The following HSD17B12 variants were observed in gnomAD, a reference collection of about 807,000 sequenced individuals.
The protein encoded by HSD17B12 is hydroxysteroid 17-beta dehydrogenase 12.
Under a neutral mutation model 39.3 loss-of-function variants are expected in HSD17B12, and 32 were observed. The observed-to-expected ratio is 0.81, with a 90% confidence interval of 0.61 to 1.09. The LOEUF is 1.09. Among genes scored for constraint, HSD17B12 ranks in the 50% least tolerant of loss-of-function variants. HSD17B12 has a pLI of 0.00. For missense variants in HSD17B12, 342 were observed against 382.9 expected, an observed-to-expected ratio of 0.89 and a Z score of 0.89; for synonymous variants, 150 against 146.7, an observed-to-expected ratio of 1.02 and a Z score of -0.16.
At chr11:43,841,996 A>C (rs1236678837) in intron 9 of HSD17B12, among the ~76,000 whole-genome samples, 2 of 152,164 alleles carry the variant, frequency 1.3e-5, no homozygotes, top group Non-Finnish European at 2.9e-5. Flanking sequence ...TTAATTGCAG[A>C]AATTGGGGCT....
intron 3 of HSD17B12, among the ~76,000 whole-genome samples, chr11:43,790,818 C>T (rs1309673208): frequency 6.6e-6 from 1 of 151,700 alleles, no homozygotes; most frequent in African/African-American, 2.4e-5. Flanking sequence ...ATGGTGAAAC[C>T]CCATCTCTAA....
At chr11:43,672,611 G>T in the HSD17B12 span, among the ~76,000 whole-genome samples, 2 of 152,000 alleles carry the variant, frequency 1.3e-5, no homozygotes, top group Non-Finnish European at 2.9e-5. Context: ...GCAGTGGTGC[G>T]ATCTTGGCTC....
chr11:43,850,222 T>C (rs1951517269), intron 9 of HSD17B12, among the ~76,000 whole-genome samples: 1 of 152,210 alleles, frequency 6.6e-6, no homozygotes, highest in African/African-American at 2.4e-5. Context: ...AAAGCTAATT[T>C]CGTGGTCTGC....
At chr11:43,624,603 ACAAT>A in the HSD17B12 span, among the ~76,000 whole-genome samples, 1 of 151,904 alleles carries the variant, frequency 6.6e-6, no homozygotes, top group Non-Finnish European at 1.5e-5. Context: ...TATTAAAATA[ACAAT>A]CAAGCTATGA....
At chr11:43,757,716 C>CA (rs141525576) in intron 3 of HSD17B12, among the ~76,000 whole-genome samples, 18,272 of 129,740 alleles carry the variant, frequency 0.14, 1,670 homozygotes, top group African/African-American at 0.27. Context: ...AAAGCACACA[C>CA]AAAAAAAACA....
the HSD17B12 span, among the ~76,000 whole-genome samples, chr11:43,591,677 T>G: frequency 6.6e-6 from 1 of 152,106 alleles, no homozygotes; most frequent in Non-Finnish European, 1.5e-5. Flanking sequence ...CTTTGTGAAC[T>G]ACCTCTCAGC....
At chr11:43,663,924 G>A in the HSD17B12 span, among the ~76,000 whole-genome samples, 2 of 151,594 alleles carry the variant, frequency 1.3e-5, no homozygotes. Context: ...GTGCAGTGGC[G>A]TGATCTCAGC....
intron 6 of HSD17B12, among the ~76,000 whole-genome samples, chr11:43,817,429 T>C (rs1590325271): frequency 6.6e-6 from 1 of 152,186 alleles, no homozygotes; most frequent in African/African-American, 2.4e-5. Context: ...CCTAAGCCAA[T>C]GTTTAGAAGG....
chr11:43,765,987 G>A (rs569890770), intron 3 of HSD17B12, among the ~76,000 whole-genome samples: 26 of 152,080 alleles, frequency 1.7e-4, no homozygotes, highest in Admixed American at 4.6e-4. Context: ...CACTGCGCCC[G>A]GCTAATTTTT....
the HSD17B12 span, among the ~76,000 whole-genome samples, chr11:43,628,751 ATTAT>A: frequency 5.3e-5 from 8 of 151,944 alleles, no homozygotes; most frequent in Non-Finnish European, 1.2e-4. Context: ...ATTCACAATT[ATTAT>A]TTGTCAACTA....
chr11:43,680,972 C>G lies in HSD17B12; in HGVS notation c.145C>G (p.Leu49Val). Residue 49 changes from leucine to valine, a missense_variant, in exon 1 of 11, where the codon CTC (leucine) becomes GTC (valine). Leu to Val is a conservative substitution (Grantham distance 32). Coordinates refer to ENST00000278353, the MANE Select transcript of HSD17B12 (RefSeq NM_016142.3). ...GAATGAGGCGGGGGTCGGCCCGGGGCTCGGAGAATGGGCAGGTGAGTCGGA... is the reference window on the plus strand; with the variant it reads ...GAATGAGGCGGGGGTCGGCCCGGGGGTCGGAGAATGGGCAGGTGAGTCGGA... ...VGNEAGVGPG[L>V]GEWAVVTGST... 6.2e-7 allele frequency: 1 copy of G among 1,605,144 alleles called. No homozygotes were observed. Among genetic ancestry groups the G allele is most frequent in the Non-Finnish European group, 8.5e-7 (1 of 1,174,444 alleles).
intron 1 of HSD17B12, among the ~76,000 whole-genome samples, chr11:43,690,943 T>A (rs1452468359): frequency 6.6e-6 from 1 of 152,198 alleles, no homozygotes; most frequent in Admixed American, 6.5e-5. Flanking sequence ...GCAGATATTA[T>A]CTGATGGGAT....
chr11:43,671,470 C>T, the HSD17B12 span, among the ~76,000 whole-genome samples: 4 of 152,366 alleles, frequency 2.6e-5, no homozygotes, highest in East Asian at 1.9e-4. Context: ...CATGAGCCAT[C>T]GCACCTGGCC....
At chr11:43,851,807 C>A (rs1225828462) in intron 9 of HSD17B12, among the ~76,000 whole-genome samples, 1 of 152,108 alleles carries the variant, frequency 6.6e-6, no homozygotes, top group African/African-American at 2.4e-5. Flanking sequence ...GGATACTGCC[C>A]AGTGATTGGA....
intron 6 of HSD17B12, among the ~76,000 whole-genome samples, chr11:43,823,414 G>C (rs955623191): frequency 4.6e-5 from 7 of 152,054 alleles, no homozygotes; most frequent in Non-Finnish European, 1.0e-4. Context: ...AGGACTACAG[G>C]CATGCACCAC....
chr11:43,799,921 A>G (rs1374401274), intron 4 of HSD17B12, among the ~76,000 whole-genome samples: 1 of 152,164 alleles, frequency 6.6e-6, no homozygotes, highest in Non-Finnish European at 1.5e-5. Flanking sequence ...ACCATGCCCC[A>G]TATACCGACA....
the HSD17B12 span, among the ~76,000 whole-genome samples, chr11:43,566,198 C>G: frequency 6.6e-6 from 1 of 152,210 alleles, no homozygotes; most frequent in Non-Finnish European, 1.5e-5. Flanking sequence ...ATACATACCT[C>G]TTTGCACAGT....
chr11:43,840,529 C>G (rs549627836), intron 9 of HSD17B12, among the ~76,000 whole-genome samples: 1 of 152,226 alleles, frequency 6.6e-6, no homozygotes, highest in African/African-American at 2.4e-5. Context: ...ACCCATCAAA[C>G]ATGAACTCCC....
At chr11:43,621,312 C>T in the HSD17B12 span, among the ~76,000 whole-genome samples, 1 of 152,182 alleles carries the variant, frequency 6.6e-6, no homozygotes, top group African/African-American at 2.4e-5. Context: ...TGTGGTCACT[C>T]AGTATGTCTC....
Sources: allele counts gnomAD v4.1 joint callset (sites outside exome capture counted in the v4.1 genomes callset), GRCh38; gene constraint gnomAD v4.1.1; transcripts MANE v1.5; gene names NCBI Gene and HGNC (gene_info 2026-07-23, HGNC 2026-07-21).